Variants in NRG2 observed in about 807,000 individuals in gnomAD.
NRG2 encodes the protein pro-neuregulin-2, membrane-bound isoform.
In NRG2, 27 loss-of-function variants were observed where a neutral mutation model predicts 73.9. The ratio of observed to expected loss-of-function variants is 0.37; its 90% CI spans 0.27 to 0.50. NRG2 has a LOEUF of 0.50. NRG2 is among the 20% of genes least tolerant of loss of function. The pLI, the probability that NRG2 is intolerant of heterozygous loss-of-function variation, is 0.96. For synonymous variants in NRG2, 532 were observed against 541.0 expected (o/e 0.98, Z 0.23); for missense variants, 1,126 against 1,210.1 (o/e 0.93, Z 1.03).
At chr5:139,859,867 G>C in intron 5 of NRG2, 10 of 1,611,702 alleles carry the variant, frequency 6.2e-6, no homozygotes, top group Non-Finnish European at 7.6e-6. Context: ...ATGGTGCTGA[G>C]TGACACACAG....
intron 1 of NRG2, among the ~76,000 whole-genome samples, chr5:140,016,600 G>A (rs553108121): frequency 1.3e-4 from 20 of 152,336 alleles, no homozygotes; most frequent in Admixed American, 1.3e-3. Flanking sequence ...GACATCAAAC[G>A]ATTTTTTAGT....
intron 1 of NRG2, among the ~76,000 whole-genome samples, chr5:139,895,338 C>T (rs1284317713): frequency 2.6e-5 from 4 of 152,252 alleles, no homozygotes; most frequent in Non-Finnish European, 5.9e-5. Context: ...TACAGGCACA[C>T]GAGTAGCAGA....
chr5:139,986,946 C>T (rs1007168509), intron 1 of NRG2, among the ~76,000 whole-genome samples: 4 of 151,974 alleles, frequency 2.6e-5, no homozygotes, highest in African/African-American at 9.7e-5. Context: ...AGAAAAAAAT[C>T]CCAGGTTTGT....
chr5:140,011,052 A>T (rs1036051958), intron 1 of NRG2, among the ~76,000 whole-genome samples: 6 of 152,192 alleles, frequency 3.9e-5, no homozygotes, highest in African/African-American at 1.4e-4. Flanking sequence ...GAGACCAAAA[A>T]CTAAACAGGT....
At chr5:139,910,636 C>T (rs1009042675) in intron 1 of NRG2, among the ~76,000 whole-genome samples, 4 of 152,314 alleles carry the variant, frequency 2.6e-5, no homozygotes, top group Middle Eastern at 3.4e-3. Flanking sequence ...TCCTTATGTT[C>T]GGAGGCCCTT....
At chr5:139,945,766 A>G (rs1049184919) in intron 1 of NRG2, among the ~76,000 whole-genome samples, 11 of 152,058 alleles carry the variant, frequency 7.2e-5, no homozygotes, top group Non-Finnish European at 5.9e-5. Flanking sequence ...GAATTCAACA[A>G]AGTTGCAGGA....
At chr5:139,918,716 C>T (rs189978011) in intron 1 of NRG2, among the ~76,000 whole-genome samples, 9 of 152,190 alleles carry the variant, frequency 5.9e-5, no homozygotes, top group South Asian at 2.1e-4. Context: ...AGCAGACATC[C>T]GGAAATGTAG....
rs1254539731 is a variant in NRG2, at chr5:139,853,413, C to T, written c.1293-386G>A. On this transcript the variant is annotated intron_variant, in intron 6 of 9. Coordinates refer to ENST00000361474, the MANE Select transcript of NRG2 (RefSeq NM_004883.3). This position sits in a 1 kb window ranked among gnomAD's most constrained non-coding sequence, Gnocchi z 4.1. ...CAGTGCTGACTCCCTCTCTCTCTCCCTCATTCATTAATTTGGTATGTATTG... is the reference window on the plus strand; with the variant it reads ...CAGTGCTGACTCCCTCTCTCTCTCCTTCATTCATTAATTTGGTATGTATTG... 6.6e-6 allele frequency among the ~76,000 whole-genome samples: 1 copy of T among 152,192 alleles called. No individual in the cohort carries two copies. Among genetic ancestry groups the T allele is most frequent in the Non-Finnish European group, 1.5e-5 (1 of 68,038 alleles).
intron 1 of NRG2, among the ~76,000 whole-genome samples, chr5:140,029,465 T>C (rs752861514): frequency 6.6e-6 from 1 of 152,124 alleles, no homozygotes; most frequent in Non-Finnish European, 1.5e-5. Context: ...AAGGTAGGTA[T>C]TACTGTGAGC....
At position 139,915,690 on chromosome 5, in the gene NRG2, G is replaced by A. The variant is rs1431584604; in HGVS notation, c.701-28179C>T. Among the ~76,000 whole-genome samples the A allele has an allele frequency of 3.3e-5, 5 of 152,156 alleles. No homozygotes were observed. Among genetic ancestry groups the A allele is most frequent in the African/African-American group, 1.2e-4 (5 of 41,440 alleles). ...ATTGTCATTCAATTTACAAGTAGCA[G>A]AACTGTATAGCTTAAAAGATTATGA... is the stretch of plus-strand genomic sequence containing the variant. On this transcript the variant is annotated intron_variant, in intron 1 of 9. Transcript: ENST00000361474. The surrounding 1 kb of genome is among the most constrained non-coding windows in gnomAD (Gnocchi z 4.0).
chr5:139,908,395 A>G (rs746805791), intron 1 of NRG2, among the ~76,000 whole-genome samples: 22 of 152,198 alleles, frequency 1.4e-4, no homozygotes, highest in Non-Finnish European at 1.8e-4. Flanking sequence ...CCAGGCTCTG[A>G]ACATCTTGAG....
At chr5:139,899,288 T>C (rs1764733750) in intron 1 of NRG2, among the ~76,000 whole-genome samples, 1 of 152,194 alleles carries the variant, frequency 6.6e-6, no homozygotes, top group Admixed American at 6.5e-5. Flanking sequence ...GGGGGCTTGA[T>C]AAAATGTACA....
intron 2 of NRG2, among the ~76,000 whole-genome samples, chr5:139,885,326 G>C (rs1159164868): frequency 6.6e-6 from 1 of 152,222 alleles, no homozygotes; most frequent in African/African-American, 2.4e-5. Flanking sequence ...AGCACCACAG[G>C]GCCCGGGGAG....
intron 1 of NRG2, among the ~76,000 whole-genome samples, chr5:139,953,412 G>T (rs1391524841): frequency 6.6e-6 from 1 of 152,140 alleles, no homozygotes; most frequent in Non-Finnish European, 1.5e-5. Flanking sequence ...GATGCTTCTG[G>T]CAGGGAAGGC....
rs996749313 is a variant in NRG2 at position 140,003,469 on chromosome 5, A to G, written c.700+38901T>C. Among the ~76,000 whole-genome samples the G allele has an allele frequency of 2.0e-5, 3 of 152,344 alleles. No individual in the cohort carries two copies. The East Asian group carries it at 5.8e-4, about 29-fold the overall frequency. ...GTCAGAGAGACAGGGGTTGGAAGAC[A>G]CTACACTGCTGGTTTTGAAGGTGGA... On this transcript the variant is annotated intron_variant, in intron 1 of 9. Coordinates refer to ENST00000361474, the MANE Select transcript of NRG2 (RefSeq NM_004883.3).
At chr5:139,921,024 T>G (rs541495894) in intron 1 of NRG2, among the ~76,000 whole-genome samples, 4 of 152,312 alleles carry the variant, frequency 2.6e-5, no homozygotes, top group African/African-American at 9.6e-5. Context: ...AAATGAAATA[T>G]TTCAGTATAA....
Position 139,982,286 on chromosome 5 carries a change from C to T in NRG2, c.700+60084G>A, listed in dbSNP as rs553557384. On this transcript the variant is annotated intron_variant, in intron 1 of 9. Coordinates refer to ENST00000361474, the MANE Select transcript of NRG2 (RefSeq NM_004883.3). ...ATCCTACAGCTGCCCAGCATGATCC[C>T]GGGGCACTCCTGAGCCTCAGCACTG... Among the ~76,000 whole-genome samples the T allele has an allele frequency of 3.3e-5, 5 of 152,234 alleles. No homozygotes were observed. The East Asian group carries it at 7.7e-4, about 24-fold the overall frequency.
chr5:139,992,084 T>A (rs548145048), intron 1 of NRG2, among the ~76,000 whole-genome samples: 58 of 152,320 alleles, frequency 3.8e-4, no homozygotes, highest in Admixed American at 1.0e-3. Flanking sequence ...ATTGGAGAAT[T>A]GTCATCTTTA....
intron 1 of NRG2, among the ~76,000 whole-genome samples, chr5:139,920,610 G>A (rs1401242250): frequency 6.6e-6 from 1 of 152,178 alleles, no homozygotes; most frequent in Non-Finnish European, 1.5e-5. Context: ...TGAAGTAGGG[G>A]GGATCAGGTA....
Sources: allele counts gnomAD v4.1 joint callset (sites outside exome capture counted in the v4.1 genomes callset), GRCh38; gene constraint gnomAD v4.1.1; non-coding constraint Gnocchi (gnomAD v3.1); transcripts MANE v1.5; gene names NCBI Gene and HGNC (gene_info 2026-07-23, HGNC 2026-07-21).